The following CARMIL1 variants were observed in gnomAD, a reference collection of about 807,000 sequenced individuals.
CARMIL1 encodes the protein capping protein regulator and myosin 1 linker 1, also known as F-actin-uncapping protein LRRC16A.
In CARMIL1, 90 loss-of-function variants were observed where a neutral mutation model predicts 177.1. The observed-to-expected ratio is 0.51, with a 90% confidence interval of 0.43 to 0.61. The LOEUF (loss-of-function observed/expected upper bound fraction) is 0.61. Ranked by LOEUF, CARMIL1 falls within the 20% of genes least tolerant of loss-of-function variation. The pLI is 0.00. For synonymous variants in CARMIL1, 577 were observed against 606.2 expected, an observed-to-expected ratio of 0.95 and a Z score of 0.71; for missense variants, 1,380 against 1,667.0, an observed-to-expected ratio of 0.83 and a Z score of 3.00.
chr6:25,610,980 G>A (rs542841339), intron 36 of CARMIL1, among the ~76,000 whole-genome samples: 1 of 152,144 alleles, frequency 6.6e-6, no homozygotes, highest in Non-Finnish European at 1.5e-5. Flanking sequence ...GAAGGCTCTC[G>A]TTGTGGTTTG....
At chr6:25,437,153 C>T (rs895087216) in intron 5 of CARMIL1, among the ~76,000 whole-genome samples, 9 of 152,140 alleles carry the variant, frequency 5.9e-5, no homozygotes, top group Admixed American at 2.0e-4. Context: ...TTCAGTAATG[C>T]GACTTTGTAC....
At chr6:25,454,618 T>C (rs527940661) in intron 8 of CARMIL1, among the ~76,000 whole-genome samples, 24 of 152,124 alleles carry the variant, frequency 1.6e-4, no homozygotes, top group African/African-American at 5.5e-4. Context: ...AACTAAATAT[T>C]AAAAAATAGA....
chr6:25,602,410 A>T (rs1244707122), intron 33 of CARMIL1, among the ~76,000 whole-genome samples: 1 of 152,218 alleles, frequency 6.6e-6, no homozygotes, highest in South Asian at 2.1e-4. Flanking sequence ...TATGCTGTTT[A>T]TGTTTTTCAT....
intron 25 of CARMIL1, 94 bp from the exon 26 acceptor site, chr6:25,539,853 A>AG (rs1562265551): frequency 1.1e-6 from 1 of 952,260 alleles, no homozygotes; most frequent in African/African-American, 1.7e-5. Flanking sequence ...ATTATCCCTA[A>AG]CAGTATTCCT....
intron 1 of CARMIL1, among the ~76,000 whole-genome samples, chr6:25,281,300 C>T (rs1388208713): frequency 6.6e-6 from 1 of 151,982 alleles, no homozygotes; most frequent in Non-Finnish European, 1.5e-5. Flanking sequence ...CAAGCAAACG[C>T]CAGAGGCTCT....
intron 1 of CARMIL1, among the ~76,000 whole-genome samples, chr6:25,280,902 T>C (rs1028745935): frequency 2.0e-5 from 3 of 152,096 alleles, no homozygotes; most frequent in Admixed American, 6.5e-5. Context: ...CCCGTTGATC[T>C]CCATGTGTGG....
chr6:25,500,975 G>T (rs1315145474), intron 17 of CARMIL1, among the ~76,000 whole-genome samples: 7 of 151,888 alleles, frequency 4.6e-5, no homozygotes, highest in Admixed American at 3.9e-4. Flanking sequence ...TGTTAGCCAG[G>T]ATGGTCTGGA....
chr6:25,571,649 A>G (rs1258059780), intron 29 of CARMIL1, among the ~76,000 whole-genome samples: 1 of 152,210 alleles, frequency 6.6e-6, no homozygotes, highest in Non-Finnish European at 1.5e-5. Context: ...CATGCTAATC[A>G]AGGGATCAAG....
intron 29 of CARMIL1, chr6:25,563,530 T>C: frequency 1.0e-6 from 1 of 985,446 alleles, no homozygotes; most frequent in Non-Finnish European, 1.2e-6. Context: ...GGCTGCTGGC[T>C]CTCAACAGAG....
chr6:25,466,831 G>C (rs1379961229), intron 9 of CARMIL1, among the ~76,000 whole-genome samples: 1 of 152,132 alleles, frequency 6.6e-6, no homozygotes, highest in Non-Finnish European at 1.5e-5. Context: ...AACTCATTTG[G>C]GGTCCCTTAA....
intron 23 of CARMIL1, among the ~76,000 whole-genome samples, chr6:25,521,216 C>T (rs1027808369): frequency 1.3e-5 from 2 of 152,170 alleles, no homozygotes; most frequent in African/African-American, 4.8e-5. Context: ...TTTTATGCTT[C>T]ACAAGGCCTG....
chr6:25,420,255 C>T (rs1055317765), intron 3 of CARMIL1, 91 bp downstream of exon 3: 2 of 1,096,674 alleles, frequency 1.8e-6, no homozygotes, highest in Non-Finnish European at 2.8e-6. Context: ...TGTGTGCACA[C>T]ATATTCCTTC....
intron 8 of CARMIL1, among the ~76,000 whole-genome samples, chr6:25,464,393 A>C (rs1180533542): frequency 6.6e-6 from 1 of 152,146 alleles, no homozygotes; most frequent in South Asian, 2.1e-4. Context: ...CTGAACATCT[A>C]TTCCTTCATC....
In CARMIL1 at chr6:25,581,314, C is replaced by T; in HGVS notation, c.2881C>T (p.Leu961Phe). The change falls in exon 31 of 37, where the codon CTC becomes TTC. Residue 961 changes from leucine to phenylalanine, a missense_variant. Physicochemically the swap from Leu to Phe is conservative, Grantham distance 22 (BLOSUM62 0). Coordinates refer to ENST00000329474, the MANE Select transcript of CARMIL1 (RefSeq NM_017640.6). ...CATCGAAGACCCGCCCTTCCCATCC[C>T]TCAGACAGGAGAAGCGGAGCTCGGG... Reference protein sequence around the residue: ...IHIEDPPFPSLRQEKRSSGFI... With the variant: ...IHIEDPPFPSFRQEKRSSGFI... 1 of 1,613,900 alleles carries T rather than the reference C, an allele frequency of 6.2e-7. No individual in the cohort carries two copies. The highest frequency in any genetic ancestry group is 8.5e-7 in the Non-Finnish European group (1 of 1,179,866).
chr6:25,578,729 G>A (rs1812830876), intron 29 of CARMIL1, among the ~76,000 whole-genome samples: 1 of 152,050 alleles, frequency 6.6e-6, no homozygotes, highest in African/African-American at 2.4e-5. Flanking sequence ...AAGACCATTG[G>A]CTCTGTGCCA....
chr6:25,339,093 C>A (rs1219771891), intron 2 of CARMIL1, among the ~76,000 whole-genome samples: 2 of 152,092 alleles, frequency 1.3e-5, no homozygotes, highest in African/African-American at 4.8e-5. Context: ...ATTAAAATGA[C>A]CACAACAAAC....
chr6:25,574,690 C>T (rs1453810615), intron 29 of CARMIL1, among the ~76,000 whole-genome samples: 2 of 152,194 alleles, frequency 1.3e-5, no homozygotes, highest in Non-Finnish European at 2.9e-5. Context: ...TAAATGGCAT[C>T]GTACCACGTG....
chr6:25,440,656 A>C (rs571145097), intron 5 of CARMIL1, among the ~76,000 whole-genome samples: 1 of 152,234 alleles, frequency 6.6e-6, no homozygotes, highest in South Asian at 2.1e-4. Flanking sequence ...GTATGCCTTA[A>C]GTCAAAGCTA....
chr6:25,545,242 T>G (rs1446630477), intron 26 of CARMIL1, among the ~76,000 whole-genome samples: 2 of 152,176 alleles, frequency 1.3e-5, no homozygotes, highest in Non-Finnish European at 2.9e-5. Flanking sequence ...GTGACTGACA[T>G]GGGCAGGTAA....
Sources: gnomAD v4.1 joint callset for allele counts (sites outside exome capture counted in the v4.1 genomes callset) on GRCh38, gnomAD v4.1.1 for gene constraint, MANE v1.5 for transcripts, NCBI Gene and HGNC (gene_info 2026-07-23, HGNC 2026-07-21) for gene names.